Variants in TMEM44 observed in about 807,000 individuals in gnomAD.
TMEM44 encodes the protein transmembrane protein 44.
Under a neutral mutation model 47.8 loss-of-function variants are expected in TMEM44, and 43 were observed. That is an observed-to-expected ratio of 0.90 (90% CI 0.70 to 1.16). The LOEUF (loss-of-function observed/expected upper bound fraction) is 1.16. Among genes scored for constraint, TMEM44 ranks in the 50% most tolerant of loss-of-function variants. TMEM44 has a pLI of 0.00. For missense variants in TMEM44, 568 were observed against 555.2 expected (o/e 1.02, Z -0.23); for synonymous variants, 277 against 238.8 (o/e 1.16, Z -1.48).
chr3:194,605,437 G>T (rs1411697103), intron 8 of TMEM44, among the ~76,000 whole-genome samples: 5 of 152,248 alleles, frequency 3.3e-5, no homozygotes, highest in Non-Finnish European at 5.9e-5. Context: ...AGAAGAAGAG[G>T]TTTAATGGAC....
At chr3:194,629,603 T>C (rs1359930032) in intron 1 of TMEM44, among the ~76,000 whole-genome samples, 1 of 151,388 alleles carries the variant, frequency 6.6e-6, no homozygotes, top group African/African-American at 2.4e-5. Flanking sequence ...GCTGGCTGTT[T>C]CTATCGGCGT....
chr3:194,626,828 C>T (rs949449449), intron 2 of TMEM44, among the ~76,000 whole-genome samples: 5 of 151,786 alleles, frequency 3.3e-5, no homozygotes, highest in Admixed American at 6.6e-5. Context: ...GGACTTCAGG[C>T]GCCTGCCACC....
chr3:194,626,086 C>G, intron 2 of TMEM44, 96 bp from the exon 3 acceptor site: 1 of 915,236 alleles, frequency 1.1e-6, no homozygotes, highest in South Asian at 1.4e-5. Context: ...ATGGGTTACA[C>G]TGATGCGGTG....
Position 194,623,255 on chromosome 3 carries a change from C to T in TMEM44, c.581G>A (p.Trp194Ter). 6.2e-7 allele frequency: 1 copy of T among 1,611,784 alleles called. No individual in the cohort carries two copies. The highest frequency in any genetic ancestry group is 8.5e-7 in the Non-Finnish European group (1 of 1,179,124). ...GGAGAGAGGGGGGATCCGAGAAGCCCAGGAGCCAAAGGCAGCAACGCTACC... is the reference window on the plus strand; with the variant it reads ...GGAGAGAGGGGGGATCCGAGAAGCCTAGGAGCCAAAGGCAGCAACGCTACC... Reference protein sequence around the residue: ...LLGSVAAFGSWASRIPPLSRI... With the variant: ...LLGSVAAFGS Residue 194 changes from tryptophan (W) to a stop codon, truncating the protein, a stop_gained, in exon 5 of 10, where the codon TGG becomes TAG. Coordinates refer to ENST00000347147, the MANE Select transcript of TMEM44 (RefSeq NM_001011655.3). LOFTEE classifies it high-confidence loss of function.
intron 8 of TMEM44, among the ~76,000 whole-genome samples, chr3:194,608,145 C>T (rs1167331942): frequency 6.6e-6 from 1 of 152,252 alleles, no homozygotes; most frequent in Non-Finnish European, 1.5e-5. Context: ...GTTCCCCACA[C>T]ACCCTGCCTC....
intron 3 of TMEM44, among the ~76,000 whole-genome samples, chr3:194,624,102 C>T (rs1478612894): frequency 6.6e-6 from 1 of 152,174 alleles, no homozygotes; most frequent in South Asian, 2.1e-4. Flanking sequence ...CGTGAATCAG[C>T]GATGGCACCA....
chr3:194,627,740 G>A (rs955087841), intron 2 of TMEM44, among the ~76,000 whole-genome samples: 2 of 152,190 alleles, frequency 1.3e-5, no homozygotes, highest in African/African-American at 2.4e-5. Context: ...CACATTGGGA[G>A]GCTGAGGCAG....
chr3:194,627,850 G>A (rs898319256), intron 2 of TMEM44, among the ~76,000 whole-genome samples: 18 of 152,092 alleles, frequency 1.2e-4, no homozygotes, highest in Non-Finnish European at 2.5e-4. Context: ...GTGGTGGCGT[G>A]CGCCTGTAAT....
In TMEM44 at chr3:194,588,511, A is replaced by G; in HGVS notation, c.*18T>C. ...CCTGACCCTGGGCTCTGAGCTGATG[A>G]GCTGGCTCCAGAAGGTGTTAATCAT... On this transcript the variant is annotated 3_prime_UTR_variant, in exon 10 of 10. Coordinates refer to ENST00000347147, the MANE Select transcript of TMEM44 (RefSeq NM_001011655.3). 1 of 1,610,646 alleles carries G rather than the reference A, an allele frequency of 6.2e-7. No homozygotes were observed. The highest frequency in any genetic ancestry group is 8.5e-7 in the Non-Finnish European group (1 of 1,177,124).
chr3:194,588,103 G>A lies in TMEM44; in HGVS notation c.*426C>T, dbSNP rs1367117110. 1 of 161,958 alleles carries A rather than the reference G, an allele frequency of 6.2e-6. No individual in the cohort carries two copies. The highest frequency in any genetic ancestry group is 1.9e-4 in the East Asian group (1 of 5,384). The allele number at this position is 161,958 out of a possible 1,614,324, so 10.0% of individuals were successfully genotyped here. On this transcript the variant is annotated 3_prime_UTR_variant, in exon 10 of 10. Transcript: ENST00000347147. ...CAGCACAGGGCCCACCCTCTCATCT[G>A]GCTCAGCCAGGTCTTGCAGAATGGG... is the stretch of plus-strand genomic sequence containing the variant.
chr3:194,594,117 TTCTATCTA>T (rs370424904), intron 9 of TMEM44, among the ~76,000 whole-genome samples: 1,413 of 85,530 alleles, frequency 0.017, 21 homozygotes, highest in South Asian at 0.046. Context: ...TGGCCTAATT[TTCTATCTA>T]TCTATCTATC....
intron 9 of TMEM44, among the ~76,000 whole-genome samples, chr3:194,592,111 G>C (rs1005980652): frequency 1.3e-5 from 2 of 151,806 alleles, no homozygotes; most frequent in Non-Finnish European, 2.9e-5. Flanking sequence ...CCAGCTACTC[G>C]GGAGGCTGAG....
intron 1 of TMEM44, 172 bp downstream of exon 1, chr3:194,632,907 C>G (rs1717967782): frequency 9.2e-7 from 1 of 1,090,462 alleles, no homozygotes; most frequent in Non-Finnish European, 1.2e-6. Context: ...TGCGTGGGAT[C>G]CGGAAAGAAG....
intron 9 of TMEM44, among the ~76,000 whole-genome samples, chr3:194,598,489 T>C (rs1216068194): frequency 1.3e-5 from 2 of 152,174 alleles, no homozygotes; most frequent in African/African-American, 2.4e-5. Flanking sequence ...GCCCTGCCAC[T>C]TCTTCTTATC....
Position 194,591,497 on chromosome 3 carries a change from AAAAT to A in TMEM44, c.1177-2862_1177-2859del, listed in dbSNP as rs200471907. 1.6e-3 allele frequency among the ~76,000 whole-genome samples: 251 copies of A among 152,328 alleles called. 5 individuals are homozygous for A. The East Asian group carries it at 0.031, about 19-fold the overall frequency. On this transcript the variant is annotated intron_variant, in intron 9 of 9. Transcript: ENST00000347147. ...CGACAAGAGTGAAATTCTGTCTCAA[AAAAT>A]AAATAAATACATAAATAAGTAAGTA...
chr3:194,588,410 C>G lies in TMEM44; in HGVS notation c.*119G>C, dbSNP rs1712124573. 2.4e-6 allele frequency: 2 copies of G among 836,966 alleles called. No individual in the cohort carries two copies. Among genetic ancestry groups the G allele is most frequent in the African/African-American group, 1.7e-5 (1 of 59,490 alleles). 51.8% of individuals were successfully genotyped at this position (836,966 alleles called of 1,614,324 possible). On this transcript the variant is annotated 3_prime_UTR_variant, in exon 10 of 10. Coordinates refer to ENST00000347147, the MANE Select transcript of TMEM44 (RefSeq NM_001011655.3). ...CACACTCAGTGACGGCTCCTGGTTC[C>G]TCACTTGCCAGGGCAGCTTCAGTTC...
rs1330179464 is a variant in TMEM44 at position 194,610,933 on chromosome 3, T to C, written c.1000A>G (p.Ile334Val). The change falls in exon 8 of 10, where the codon ATC (isoleucine) becomes GTC (valine). Residue 334 changes from isoleucine to valine, a missense_variant. Transcript: ENST00000347147. ...CCACTCACCTGCTGCACAGGCTCGA[T>C]GGTCAGCTCCATGTAGCGACTGATT... The part of the protein sequence containing the change: ...TAISRYMELT[I>V]EPVQQAGCSA... 5.6e-6 allele frequency: 9 copies of C among 1,613,756 alleles called. No individual in the cohort carries two copies. The highest frequency in any genetic ancestry group is 1.7e-5 in the Admixed American group (1 of 59,992).
intron 8 of TMEM44, among the ~76,000 whole-genome samples, chr3:194,605,485 G>A (rs1560171748): frequency 1.3e-5 from 2 of 152,218 alleles, no homozygotes; most frequent in South Asian, 2.1e-4. Context: ...TCACAATCAC[G>A]GCAGAAGGCA....
chr3:194,615,748 G>T (rs374089648), intron 6 of TMEM44, 51 bp from the exon 7 acceptor site: 1 of 1,600,650 alleles, frequency 6.2e-7, no homozygotes, highest in South Asian at 1.1e-5. Flanking sequence ...GCTGCCTAGC[G>T]TGGCCCTTCA....
Sources: allele counts gnomAD v4.1 joint callset (sites outside exome capture counted in the v4.1 genomes callset), GRCh38; gene constraint gnomAD v4.1.1; transcripts MANE v1.5; gene names NCBI Gene and HGNC (gene_info 2026-07-23, HGNC 2026-07-21).